ZBTB20: variants seen among roughly 807,000 people sequenced by gnomAD.
ZBTB20 encodes zinc finger and BTB domain-containing protein 20.
In ZBTB20, 9 loss-of-function variants were observed where a neutral mutation model predicts 56.9. The observed-to-expected ratio is 0.16, with a 90% CI of 0.10 to 0.28. ZBTB20 has a LOEUF of 0.28. Ranked by LOEUF, ZBTB20 falls within the 10% of genes least tolerant of loss-of-function variation. ZBTB20 has a pLI of 1.00. For missense variants in ZBTB20, 655 were observed against 1,003.0 expected, an observed-to-expected ratio of 0.65 and a Z score of 4.69; for synonymous variants, 417 against 420.7, an observed-to-expected ratio of 0.99 and a Z score of 0.11.
intron 1 of ZBTB20, among the ~76,000 whole-genome samples, chr3:115,101,051 G>C (rs111656244): frequency 1.8e-3 from 279 of 152,336 alleles, no homozygotes; most frequent in African/African-American, 6.4e-3. Flanking sequence ...TAGGAACCTA[G>C]AAGAAGGGAG....
At chr3:114,609,203 T>C (rs1031022737) in intron 6 of ZBTB20, among the ~76,000 whole-genome samples, 6 of 152,234 alleles carry the variant, frequency 3.9e-5, no homozygotes, top group Non-Finnish European at 7.3e-5. Flanking sequence ...ATTAAATGGA[T>C]AACAAGAAAA....
At chr3:114,982,079 C>G (rs1216299426) in intron 2 of ZBTB20, among the ~76,000 whole-genome samples, 1 of 151,964 alleles carries the variant, frequency 6.6e-6, no homozygotes, top group Non-Finnish European at 1.5e-5. Flanking sequence ...AAGGTACCAC[C>G]AGCTAGTAAG....
intron 1 of ZBTB20, among the ~76,000 whole-genome samples, chr3:115,086,877 T>C (rs1316438478): frequency 1.3e-5 from 2 of 151,842 alleles, no homozygotes; most frequent in Non-Finnish European, 2.9e-5. Flanking sequence ...GTTTGGTATC[T>C]AGAACCTTAC....
chr3:115,122,840 C>T (rs190992901), intron 1 of ZBTB20, among the ~76,000 whole-genome samples: 12 of 152,242 alleles, frequency 7.9e-5, no homozygotes, highest in Admixed American at 7.2e-4. Flanking sequence ...CCTACATTGA[C>T]ATAGCTATAT....
chr3:115,118,981 C>CA (rs1419924014), intron 1 of ZBTB20, among the ~76,000 whole-genome samples: 1 of 151,950 alleles, frequency 6.6e-6, no homozygotes, highest in African/African-American at 2.4e-5. Context: ...TCTTTAGTAA[C>CA]ACATTAAATT....
intron 4 of ZBTB20, among the ~76,000 whole-genome samples, chr3:114,846,043 G>A (rs2074685624): frequency 3.3e-5 from 5 of 152,142 alleles, no homozygotes; most frequent in Admixed American, 3.3e-4. Context: ...ACAATTACCA[G>A]AGATATAGAT....
At chr3:114,956,503 C>T (rs1000462715) in intron 3 of ZBTB20, among the ~76,000 whole-genome samples, 22 of 152,062 alleles carry the variant, frequency 1.4e-4, no homozygotes, top group African/African-American at 4.6e-4. Context: ...TCAACATAAC[C>T]TTTCCCTCCC....
At position 114,945,607 on chromosome 3, in the gene ZBTB20, AAAGTT is replaced by A. The variant is rs1255104902; in HGVS notation, c.-456+28754_-456+28758del. Among the ~76,000 whole-genome samples, 13 of 145,632 alleles carry A rather than the reference AAAGTT, an allele frequency of 8.9e-5. 3 individuals carry two copies. The highest frequency in any genetic ancestry group is 3.6e-4 in the African/African-American group (13 of 35,962). On this transcript the variant is annotated intron_variant, in intron 3 of 11. Transcript: ENST00000675478. ...GAAATAACAAGGTTGATTAATAAAA[AAAGTT>A]AAGACAGAAGAAATGGGAAACATAA... is the stretch of plus-strand genomic sequence containing the variant.
intron 5 of ZBTB20, among the ~76,000 whole-genome samples, chr3:114,740,100 A>G (rs2066466604): frequency 6.6e-6 from 1 of 152,196 alleles, no homozygotes; most frequent in Non-Finnish European, 1.5e-5. Context: ...TTCTTTTTTA[A>G]CAGCTTATTT....
At chr3:114,368,966 G>A (rs761305014) in intron 10 of ZBTB20, among the ~76,000 whole-genome samples, 11 of 152,188 alleles carry the variant, frequency 7.2e-5, no homozygotes, top group Non-Finnish European at 1.0e-4. Context: ...AAAATGACAT[G>A]TATCCTTTAC....
intron 10 of ZBTB20, among the ~76,000 whole-genome samples, chr3:114,364,837 C>T (rs1344032304): frequency 1.3e-5 from 2 of 152,164 alleles, no homozygotes; most frequent in East Asian, 1.9e-4. Context: ...AGATACATAT[C>T]GGCAGAGCCC....
chr3:114,475,042 C>G (rs953930874), intron 7 of ZBTB20, among the ~76,000 whole-genome samples: 1 of 152,184 alleles, frequency 6.6e-6, no homozygotes, highest in Admixed American at 6.5e-5. Flanking sequence ...ATTCCTTGCC[C>G]TAATAATCAA....
At chr3:114,611,732 T>C (rs2057571212) in intron 6 of ZBTB20, among the ~76,000 whole-genome samples, 1 of 152,228 alleles carries the variant, frequency 6.6e-6, no homozygotes. Context: ...ATTTGAGTCT[T>C]GATTGCTCTT....
At position 114,339,672 on chromosome 3, in the gene ZBTB20, C is replaced by T. The variant is rs977209913; in HGVS notation, c.1805-246G>A. On this transcript the variant is annotated intron_variant, in intron 11 of 11. Transcript: ENST00000675478. This position sits in a 1 kb window ranked among gnomAD's most constrained non-coding sequence, Gnocchi z 4.2. Reference sequence around the variant, plus strand: ...TTTTCCATTTCCCTGTGCCATAAAACGGCTTTCTTGGAAAGCTACCAGATA... The same window carrying T: ...TTTTCCATTTCCCTGTGCCATAAAATGGCTTTCTTGGAAAGCTACCAGATA... Among the ~76,000 whole-genome samples, 12 of 152,176 alleles carry T rather than the reference C, an allele frequency of 7.9e-5. No individual in the cohort carries two copies. Among genetic ancestry groups the T allele is most frequent in the South Asian group, 2.1e-4 (1 of 4,832 alleles).
chr3:114,328,294 G>T lies in ZBTB20; in HGVS notation c.*10711C>A, dbSNP rs951297447. On this transcript the variant is annotated 3_prime_UTR_variant, in exon 12 of 12. Transcript: ENST00000675478. Reference sequence around the variant, plus strand: ...ATTTTTCCTACAATGTGTTCAAGTGGATGTGGCTTTTCTTGTTTGAGAAGA... The same window carrying T: ...ATTTTTCCTACAATGTGTTCAAGTGTATGTGGCTTTTCTTGTTTGAGAAGA... 2.0e-5 allele frequency: 3 copies of T among 151,848 alleles called. No homozygotes were observed. Among genetic ancestry groups the T allele is most frequent in the Admixed American group, 2.0e-4 (3 of 15,242 alleles). The allele number at this position is 151,848 out of a possible 1,614,324, so 9.4% of individuals were successfully genotyped here.
intron 7 of ZBTB20, among the ~76,000 whole-genome samples, chr3:114,451,329 T>C (rs899657416): frequency 5.9e-5 from 9 of 152,148 alleles, no homozygotes; most frequent in Non-Finnish European, 1.2e-4. Context: ...TCCTAACTTA[T>C]ACTGCTGTGC....
intron 2 of ZBTB20, among the ~76,000 whole-genome samples, chr3:115,063,523 T>C (rs934043965): frequency 6.6e-6 from 1 of 152,148 alleles, no homozygotes. Context: ...AAAGGCCCCA[T>C]GTACAAATGC....
chr3:115,011,383 T>C (rs1029629697), intron 2 of ZBTB20, among the ~76,000 whole-genome samples: 17 of 151,714 alleles, frequency 1.1e-4, no homozygotes, highest in Admixed American at 9.2e-4. Flanking sequence ...AGATCAAGGA[T>C]AAAAAAGGAT....
intron 1 of ZBTB20, among the ~76,000 whole-genome samples, chr3:115,084,621 A>G (rs1452218120): frequency 6.6e-6 from 1 of 152,034 alleles, no homozygotes; most frequent in Non-Finnish European, 1.5e-5. Context: ...GCATTAAGAT[A>G]GATCCCTAAT....
Sources: gnomAD v4.1 joint callset for allele counts (sites outside exome capture counted in the v4.1 genomes callset) on GRCh38, gnomAD v4.1.1 for gene constraint, Gnocchi (gnomAD v3.1) non-coding constraint, MANE v1.5 for transcripts, NCBI Gene and HGNC (gene_info 2026-07-23, HGNC 2026-07-21) for gene names.